The following DHX57 variants were observed in gnomAD, a reference collection of about 807,000 sequenced individuals.
The protein encoded by DHX57 is putative ATP-dependent RNA helicase DHX57.
Under a neutral mutation model 156.2 loss-of-function variants are expected in DHX57, and 105 were observed. That is an observed-to-expected ratio of 0.67 (90% confidence interval 0.57 to 0.79). The LOEUF (loss-of-function observed/expected upper bound fraction) is 0.79, where lower values mean the gene tolerates loss of function less well. Ranked by LOEUF, DHX57 falls within the 30% of genes least tolerant of loss-of-function variation. The probability of loss-of-function intolerance (pLI) is 0.00; values close to 1 mark genes in which losing one functional copy is unlikely to be tolerated. For missense variants in DHX57, 1,847 were observed against 1,661.9 expected (o/e 1.11, Z -1.94); for synonymous variants, 704 against 595.6 (o/e 1.18, Z -2.65).
At chr2:38,851,289 T>G (rs1289317050) in intron 9 of DHX57, among the ~76,000 whole-genome samples, 1 of 152,192 alleles carries the variant, frequency 6.6e-6, no homozygotes, top group Non-Finnish European at 1.5e-5. Context: ...TTCTTTTACA[T>G]TTTTTGGTAT....
intron 1 of DHX57, among the ~76,000 whole-genome samples, chr2:38,874,527 A>G (rs967250958): frequency 2.7e-5 from 4 of 147,312 alleles, no homozygotes; most frequent in Non-Finnish European, 1.5e-5. Context: ...CTCCTGCCTC[A>G]GCCTCCTGAG....
chr2:38,812,153 C>A (rs1670280108), intron 21 of DHX57, among the ~76,000 whole-genome samples: 1 of 152,142 alleles, frequency 6.6e-6, no homozygotes, highest in Non-Finnish European at 1.5e-5. Context: ...ACCCTTCACC[C>A]AGCTTCCACC....
intron 21 of DHX57, 138 bp from the exon 22 acceptor site, chr2:38,806,831 T>C (rs896120838): frequency 2.2e-6 from 2 of 895,990 alleles, no homozygotes; most frequent in East Asian, 2.7e-5. Flanking sequence ...TTCTTTCTTA[T>C]TTTGTTTCCT....
chr2:38,831,581 A>G (rs1671384767), intron 13 of DHX57, among the ~76,000 whole-genome samples: 1 of 152,114 alleles, frequency 6.6e-6, no homozygotes, highest in Non-Finnish European at 1.5e-5. Context: ...TAGGCTGGGC[A>G]TGGTGGCTCA....
chr2:38,835,027 T>G (rs1666511662), intron 13 of DHX57, among the ~76,000 whole-genome samples: 1 of 152,078 alleles, frequency 6.6e-6, no homozygotes, highest in Admixed American at 6.6e-5. Flanking sequence ...CAGCAAAGGA[T>G]AGTTTGACAA....
At chr2:38,836,815 A>G (rs1671691585) in intron 13 of DHX57, among the ~76,000 whole-genome samples, 2 of 151,680 alleles carry the variant, frequency 1.3e-5, no homozygotes, top group African/African-American at 4.8e-5. Flanking sequence ...AAGAGAATAC[A>G]GTATGTAATA....
In DHX57 at chr2:38,843,201, T is replaced by C. The variant is rs753496069; in HGVS notation, c.2229A>G (p.Leu743=). Residue 743 remains leucine, a synonymous_variant, in exon 12 of 24, where the codon TTA becomes TTG. Coordinates refer to ENST00000457308, the MANE Select transcript of DHX57 (RefSeq NM_198963.3). ...EDAIAVTRYV[L]QDGSPYMRSM... is the part of the protein sequence containing the mutation. ...ACCGCATATATGGGCTCCCATCCTGTAATACATACCTGAGAAAGACAAAGG... is the reference window on the plus strand; with the variant it reads ...ACCGCATATATGGGCTCCCATCCTGCAATACATACCTGAGAAAGACAAAGG... 6.2e-7 allele frequency: 1 copy of C among 1,614,028 alleles called. No individual in the cohort carries two copies. Among genetic ancestry groups the C allele is most frequent in the Non-Finnish European group, 8.5e-7 (1 of 1,179,968 alleles).
intron 22 of DHX57, among the ~76,000 whole-genome samples, chr2:38,804,119 T>A (rs1260257829): frequency 6.6e-6 from 1 of 152,194 alleles, no homozygotes; most frequent in Non-Finnish European, 1.5e-5. Flanking sequence ...CTGTGATGCC[T>A]TCTAGAGTGC....
At chr2:38,830,008 CCTT>C (rs1671296362) in intron 13 of DHX57, among the ~76,000 whole-genome samples, 2 of 152,226 alleles carry the variant, frequency 1.3e-5, no homozygotes, top group South Asian at 4.1e-4. Flanking sequence ...GCAATAGTCA[CCTT>C]CTTTTGTGCT....
chr2:38,835,305 A>C (rs1265683072), intron 13 of DHX57, among the ~76,000 whole-genome samples: 1 of 152,192 alleles, frequency 6.6e-6, no homozygotes, highest in Non-Finnish European at 1.5e-5. Flanking sequence ...TTTTGTGCAA[A>C]TGTAGTTGGG....
At chr2:38,868,728 A>G (rs960737577) in intron 1 of DHX57, among the ~76,000 whole-genome samples, 11 of 152,234 alleles carry the variant, frequency 7.2e-5, no homozygotes, top group Admixed American at 6.5e-5. Flanking sequence ...CATCATAAAC[A>G]CATGGAGAAG....
intron 23 of DHX57, among the ~76,000 whole-genome samples, chr2:38,800,995 A>C (rs1450847760): frequency 7.9e-5 from 12 of 152,324 alleles, no homozygotes; most frequent in African/African-American, 2.4e-4. Flanking sequence ...AAATTAAAAC[A>C]TTTTGGATGT....
At chr2:38,829,328 C>T (rs1455879641) in intron 13 of DHX57, among the ~76,000 whole-genome samples, 1 of 148,138 alleles carries the variant, frequency 6.8e-6, no homozygotes, top group Non-Finnish European at 1.5e-5. Context: ...GTTGCCCAGG[C>T]TGAAGTGCAA....
At chr2:38,825,737 T>C (rs762356068) in intron 16 of DHX57, 110 bp downstream of exon 16, 10 of 1,050,520 alleles carry the variant, frequency 9.5e-6, no homozygotes, top group Non-Finnish European at 1.4e-5. Flanking sequence ...AGATTATTGG[T>C]GGTCATTCTT....
chr2:38,818,778 T>C, intron 19 of DHX57, 99 bp downstream of exon 19: 1 of 1,328,488 alleles, frequency 7.5e-7, no homozygotes. Flanking sequence ...AGAAATAACA[T>C]TTGCAATGTT....
intron 22 of DHX57, among the ~76,000 whole-genome samples, chr2:38,805,521 G>T (rs1023507378): frequency 2.0e-5 from 3 of 152,172 alleles, no homozygotes; most frequent in Non-Finnish European, 4.4e-5. Context: ...TAGAATTTCA[G>T]GCAAATGATG....
intron 1 of DHX57, among the ~76,000 whole-genome samples, chr2:38,872,969 G>C (rs928153959): frequency 6.6e-6 from 1 of 151,962 alleles, no homozygotes; most frequent in Non-Finnish European, 1.5e-5. Flanking sequence ...GACCATACTA[G>C]GTGATAAAAG....
chr2:38,799,363 T>C (rs955502683), intron 23 of DHX57, among the ~76,000 whole-genome samples: 2 of 146,148 alleles, frequency 1.4e-5, no homozygotes, highest in African/African-American at 5.1e-5. Context: ...CGAAACTCCG[T>C]TTCAAAAAAA....
chr2:38,854,240 G>A (rs1267918420), intron 8 of DHX57, 62 bp from the exon 9 acceptor site: 2 of 1,553,826 alleles, frequency 1.3e-6, no homozygotes, highest in Admixed American at 1.8e-5. Context: ...AAACATTACT[G>A]GAAAGCCATT....
Sources: gnomAD v4.1 joint callset for allele counts (sites outside exome capture counted in the v4.1 genomes callset) on GRCh38, gnomAD v4.1.1 for gene constraint, MANE v1.5 for transcripts, NCBI Gene and HGNC (gene_info 2026-07-23, HGNC 2026-07-21) for gene names.